Variants in RTTN observed in about 807,000 individuals in gnomAD.
RTTN encodes the protein rotatin.
In RTTN, 182 loss-of-function variants were observed where a neutral mutation model predicts 269.2. That is an observed-to-expected ratio of 0.68 (90% confidence interval 0.60 to 0.76). The LOEUF (loss-of-function observed/expected upper bound fraction) is 0.76. Among genes scored for constraint, RTTN ranks in the 30% least tolerant of loss-of-function variants. RTTN has a pLI of 0.00. For synonymous variants in RTTN, 1,006 were observed against 963.5 expected (o/e 1.04, Z -0.82); for missense variants, 2,545 against 2,608.6 (o/e 0.98, Z 0.53).
At chr18:70,134,369 G>T in intron 23 of RTTN, 104 bp downstream of exon 23, 2 of 869,736 alleles carry the variant, frequency 2.3e-6, no homozygotes, top group East Asian at 2.7e-5. Context: ...CCAAGTTATG[G>T]GATTTAAATG....
At chr18:70,136,277 C>G (rs1388329626) in intron 21 of RTTN, among the ~76,000 whole-genome samples, 1 of 151,994 alleles carries the variant, frequency 6.6e-6, no homozygotes, top group African/African-American at 2.4e-5. Context: ...TTAAACAACA[C>G]TTGAAACACA....
chr18:70,114,922 A>C (rs1472477803), intron 26 of RTTN, among the ~76,000 whole-genome samples: 1 of 152,098 alleles, frequency 6.6e-6, no homozygotes, highest in African/African-American at 2.4e-5. Flanking sequence ...AAACAGAATT[A>C]AAACAGTACA....
intron 10 of RTTN, among the ~76,000 whole-genome samples, chr18:70,179,848 G>A (rs1174070671): frequency 6.6e-6 from 1 of 152,066 alleles, no homozygotes; most frequent in African/African-American, 2.4e-5. Context: ...GCCAGTCACG[G>A]TTCCTCCTGC....
At chr18:70,052,642 T>TTATA (rs1327265663) in intron 38 of RTTN, among the ~76,000 whole-genome samples, 17 of 145,910 alleles carry the variant, frequency 1.2e-4, no homozygotes, top group African/African-American at 2.7e-4. Context: ...ATTTATTTAC[T>TTATA]TATATATATA....
intron 4 of RTTN, 74 bp downstream of exon 4, chr18:70,201,820 T>C (rs2061960305): frequency 3.4e-6 from 3 of 884,872 alleles, no homozygotes; most frequent in Non-Finnish European, 5.4e-6. Flanking sequence ...AAATACATCT[T>C]CACAATAACG....
intron 38 of RTTN, among the ~76,000 whole-genome samples, 185 bp downstream of exon 38, chr18:70,053,946 T>C (rs1473630001): frequency 1.3e-5 from 2 of 152,234 alleles, no homozygotes; most frequent in African/African-American, 4.8e-5. Context: ...TTTATTATAC[T>C]ACACACTTGT....
Position 70,205,330 on chromosome 18 carries a change from C to T in RTTN, c.32-15G>A. 5.6e-6 allele frequency: 9 copies of T among 1,612,892 alleles called. No homozygotes were observed. The highest frequency in any genetic ancestry group is 7.6e-6 in the Non-Finnish European group (9 of 1,179,050). On this transcript the variant is annotated splice_polypyrimidine_tract_variant and intron_variant, in intron 1 of 48. Transcript: ENST00000640769. ...CAGCTGATGACCTGTCAACGAACGG[C>T]ACAAAACTATTTTATTTCCCGACTG...
At chr18:70,203,436 C>CACCT (rs1468320731) in intron 3 of RTTN, among the ~76,000 whole-genome samples, 1 of 152,136 alleles carries the variant, frequency 6.6e-6, no homozygotes, top group Non-Finnish European at 1.5e-5. Context: ...AACTTCTGAC[C>CACCT]ACCTGCCTCG....
intron 40 of RTTN, among the ~76,000 whole-genome samples, chr18:70,031,710 G>C (rs1255054821): frequency 6.6e-6 from 1 of 151,114 alleles, no homozygotes; most frequent in Non-Finnish European, 1.5e-5. Flanking sequence ...TGGCCAACTA[G>C]ATACAGCCAG....
At chr18:70,097,701 T>C (rs1379330560) in intron 28 of RTTN, among the ~76,000 whole-genome samples, 3 of 152,222 alleles carry the variant, frequency 2.0e-5, no homozygotes, top group African/African-American at 7.2e-5. Flanking sequence ...GCTAACAAAC[T>C]GTTACTAAAT....
chr18:70,081,356 T>C (rs559638943), intron 32 of RTTN, among the ~76,000 whole-genome samples: 11 of 151,878 alleles, frequency 7.2e-5, no homozygotes, highest in Admixed American at 2.0e-4. Flanking sequence ...AACAAAAAAC[T>C]AGTGAAAGAA....
intron 35 of RTTN, among the ~76,000 whole-genome samples, chr18:70,063,963 T>C (rs1037196676): frequency 9.5e-6 from 1 of 105,276 alleles, no homozygotes; most frequent in African/African-American, 3.3e-5. Flanking sequence ...TTCTTTTATA[T>C]GCTTTTTTTT....
chr18:70,198,727 G>A (rs1231855398), intron 5 of RTTN, among the ~76,000 whole-genome samples: 1 of 152,116 alleles, frequency 6.6e-6, no homozygotes, highest in Non-Finnish European at 1.5e-5. Context: ...GGTTTAATTT[G>A]TCTCCTAATG....
At chr18:70,037,388 G>C (rs1051851988) in intron 40 of RTTN, among the ~76,000 whole-genome samples, 7 of 152,182 alleles carry the variant, frequency 4.6e-5, no homozygotes, top group Admixed American at 4.6e-4. Context: ...TTGAGGAAGA[G>C]AGTAAACAAG....
intron 14 of RTTN, among the ~76,000 whole-genome samples, chr18:70,158,697 C>T (rs948142421): frequency 7.9e-5 from 12 of 151,998 alleles, no homozygotes; most frequent in African/African-American, 2.7e-4. Flanking sequence ...GTCAAGAGAC[C>T]CAACTCACAT....
intron 32 of RTTN, among the ~76,000 whole-genome samples, chr18:70,079,969 CA>C (rs2058520944): frequency 6.6e-6 from 1 of 151,776 alleles, no homozygotes; most frequent in Non-Finnish European, 1.5e-5. Flanking sequence ...TCATATATAA[CA>C]AAAATGCTAT....
rs1302507450 is a variant in RTTN at position 70,201,573 on chromosome 18, A to G, written c.487+321T>C. 5.9e-5 allele frequency among the ~76,000 whole-genome samples: 7 copies of G among 118,578 alleles called. 1 individual carries two copies. The highest frequency in any genetic ancestry group is 2.5e-4 in the Admixed American group (2 of 8,094). 77.8% of individuals were successfully genotyped at this position (118,578 alleles called of 152,430 possible). A position where few individuals can be genotyped will look rare whatever the true frequency, so the allele number is the denominator to read the frequency against. ...CAGTGAGCCGAGATCCCACCACTGC[A>G]CTCCAGCCTGGGCGACAGAGCGAGA... On this transcript the variant is annotated intron_variant, in intron 4 of 48. Transcript: ENST00000640769.
At chr18:70,188,293 A>G (rs1361444044) in intron 9 of RTTN, 70 bp from the exon 10 acceptor site, 3 of 803,136 alleles carry the variant, frequency 3.7e-6, no homozygotes, top group East Asian at 4.9e-5. Flanking sequence ...GCTGAATATC[A>G]TATTGCTCAA....
At chr18:70,073,549 T>C (rs1456145862) in intron 34 of RTTN, among the ~76,000 whole-genome samples, 3 of 152,064 alleles carry the variant, frequency 2.0e-5, no homozygotes, top group Non-Finnish European at 2.9e-5. Context: ...TTTCGTACTA[T>C]CAAAAAAGGT....
Sources: gnomAD v4.1 joint callset for allele counts (sites outside exome capture counted in the v4.1 genomes callset) on GRCh38, gnomAD v4.1.1 for gene constraint, MANE v1.5 for transcripts, NCBI Gene and HGNC (gene_info 2026-07-23, HGNC 2026-07-21) for gene names.